The following C6 variants were observed in gnomAD, a reference collection of about 807,000 sequenced individuals.
The protein encoded by C6 is complement C6.
A neutral mutation model predicts 112.9 loss-of-function variants in C6; 101 were observed. That is an observed-to-expected ratio of 0.89 (90% CI 0.76 to 1.06). C6 has a LOEUF of 1.06. Among genes scored for constraint, C6 ranks in the 50% least tolerant of loss-of-function variants. The pLI is 0.00. For missense variants in C6, 1,202 were observed against 1,104.6 expected (o/e 1.09, Z -1.25); for synonymous variants, 431 against 384.1 (o/e 1.12, Z -1.43).
intron 8 of C6, among the ~76,000 whole-genome samples, chr5:41,174,843 A>C (rs1748708280): frequency 6.6e-6 from 1 of 152,200 alleles, no homozygotes; most frequent in Non-Finnish European, 1.5e-5. Flanking sequence ...ATAGGAGGAG[A>C]GAAAAGGGAA....
chr5:41,203,045 G>T (rs757900126), intron 2 of C6, 43 bp downstream of exon 2: 1 of 1,604,480 alleles, frequency 6.2e-7, no homozygotes, highest in East Asian at 2.2e-5. Context: ...TCATCCTTGA[G>T]TCCTTCCAGG....
At chr5:41,197,701 T>A (rs1391804952) in intron 4 of C6, among the ~76,000 whole-genome samples, 1 of 151,896 alleles carries the variant, frequency 6.6e-6, no homozygotes, top group East Asian at 1.9e-4. Flanking sequence ...TTAGCAAGGG[T>A]AGGGATGAAG....
chr5:41,223,844 G>A (rs1561187767), intron 1 of C6, among the ~76,000 whole-genome samples: 1 of 151,978 alleles, frequency 6.6e-6, no homozygotes, highest in Non-Finnish European at 1.5e-5. Flanking sequence ...TCCAGTACAG[G>A]ATCCAGCCCA....
intron 7 of C6, among the ~76,000 whole-genome samples, 198 bp from the exon 8 acceptor site, chr5:41,176,913 C>T (rs1349276169): frequency 7.4e-6 from 1 of 134,860 alleles, no homozygotes; most frequent in Non-Finnish European, 1.8e-5. Context: ...ATGTGCAAAA[C>T]AGGTAAGATT....
intron 1 of C6, among the ~76,000 whole-genome samples, chr5:41,256,882 A>T (rs1258748074): frequency 1.3e-5 from 2 of 152,200 alleles, no homozygotes; most frequent in African/African-American, 2.4e-5. Flanking sequence ...GGAGGTTCCC[A>T]TACCCACTTT....
chr5:41,199,610 A>G (rs554313294), intron 4 of C6, among the ~76,000 whole-genome samples, 158 bp downstream of exon 4: 160 of 152,286 alleles, frequency 1.1e-3, no homozygotes, highest in Non-Finnish European at 1.9e-3. Flanking sequence ...TTTACAGTGG[A>G]ATATCTTGGG....
At chr5:41,208,398 C>T (rs1428445702) in intron 1 of C6, among the ~76,000 whole-genome samples, 2 of 151,856 alleles carry the variant, frequency 1.3e-5, no homozygotes, top group East Asian at 1.9e-4. Context: ...CATAGAAACA[C>T]AAAAAACCCT....
At chr5:41,202,958 CA>C in intron 2 of C6, 129 bp downstream of exon 2, 1 of 921,736 alleles carries the variant, frequency 1.1e-6, no homozygotes, top group Non-Finnish European at 1.8e-6. Flanking sequence ...CTTCAAATTT[CA>C]TCCAAATTTG....
chr5:41,235,600 G>A (rs1740246212), intron 1 of C6, among the ~76,000 whole-genome samples: 1 of 142,354 alleles, frequency 7.0e-6, no homozygotes, highest in East Asian at 2.1e-4. Context: ...TCAGTAATGG[G>A]ATGGCTGGGT....
At chr5:41,185,340 T>C (rs916464682) in intron 6 of C6, among the ~76,000 whole-genome samples, 39 of 152,226 alleles carry the variant, frequency 2.6e-4, no homozygotes, top group African/African-American at 9.2e-4. Context: ...TGAACTCATA[T>C]TACCCATAAA....
chr5:41,239,891 T>C (rs1292874616), intron 1 of C6, among the ~76,000 whole-genome samples: 1 of 152,198 alleles, frequency 6.6e-6, no homozygotes, highest in African/African-American at 2.4e-5. Context: ...AGTGTCCTTG[T>C]CTGGCAATTT....
intron 1 of C6, among the ~76,000 whole-genome samples, chr5:41,207,801 C>T (rs1312460588): frequency 6.6e-6 from 1 of 152,184 alleles, no homozygotes; most frequent in Non-Finnish European, 1.5e-5. Context: ...ACCCCACTGT[C>T]AACATGAGAC....
Position 41,158,783 on chromosome 5 carries a change from C to T in C6, c.1859G>A (p.Gly620Glu), listed in dbSNP as rs1313179724. ...TTCGTCATCATTGATACATGGTTGTCCACTAAAAGGGAAACATAAATATGT... is the reference window on the plus strand; with the variant it reads ...TTCGTCATCATTGATACATGGTTGTTCACTAAAAGGGAAACATAAATATGT... Reference protein sequence around the residue: ...DCTFSIMENNGQPCINDDEEM... With the variant: ...DCTFSIMENNEQPCINDDEEM... The change falls in exon 13 of 18, where the codon GGA becomes GAA. Residue 620 changes from glycine to glutamate, a missense_variant and splice_region_variant. Coordinates refer to ENST00000337836, the MANE Select transcript of C6 (RefSeq NM_000065.5). The T allele has an allele frequency of 2.0e-6, 3 of 1,525,584 alleles. No homozygotes were observed. The highest frequency in any genetic ancestry group is 1.1e-5 in the South Asian group (1 of 89,360). The allele number at this position is 1,525,584 out of a possible 1,614,324, so 94.5% of individuals were successfully genotyped here.
At chr5:41,214,653 G>T (rs534902414), upstream of C6, among the ~76,000 whole-genome samples, 15 of 152,276 alleles carry the variant, frequency 9.9e-5, 1 homozygote, top group African/African-American at 3.4e-4. Flanking sequence ...AACAGGAAAA[G>T]AAATATTTGG....
chr5:41,186,337 C>T (rs1384099735), intron 5 of C6, 129 bp from the exon 6 acceptor site: 2 of 980,084 alleles, frequency 2.0e-6, no homozygotes, highest in African/African-American at 1.8e-5. Flanking sequence ...AGGAATCCCC[C>T]ACACCTCCGC....
intron 1 of C6, among the ~76,000 whole-genome samples, chr5:41,252,393 C>G (rs974704532): frequency 6.6e-6 from 1 of 152,024 alleles, no homozygotes; most frequent in African/African-American, 2.4e-5. Flanking sequence ...TCATTATACC[C>G]CTCCCTTTGG....
rs1745455142 is a variant in C6, at chr5:41,142,656, C to T, written c.*169G>A. On this transcript the variant is annotated 3_prime_UTR_variant, in exon 18 of 18. Coordinates refer to ENST00000337836, the MANE Select transcript of C6 (RefSeq NM_000065.5). Reference sequence around the variant, plus strand: ...TGAGCTGGAACTGAATAAGACATGCCCAAACAGGAGAGTCAGGGGAGAATA... The same window carrying T: ...TGAGCTGGAACTGAATAAGACATGCTCAAACAGGAGAGTCAGGGGAGAATA... The T allele has an allele frequency of 3.1e-6, 2 of 652,928 alleles. No homozygotes were observed. Among genetic ancestry groups the T allele is most frequent in the Non-Finnish European group, 5.6e-6 (2 of 359,606 alleles). 40.4% of individuals were successfully genotyped at this position (652,928 alleles called of 1,614,324 possible).
rs578018387 is a variant in C6 at position 41,144,810 on chromosome 5, C to T, written c.2624-1804G>A. ...TCCGTATGTTCTCATTGTTTAGCTCCTGCTTACAAGTAAGAACACGTGGTA... is the reference window on the plus strand; with the variant it reads ...TCCGTATGTTCTCATTGTTTAGCTCTTGCTTACAAGTAAGAACACGTGGTA... On this transcript the variant is annotated intron_variant, in intron 17 of 17. Coordinates refer to ENST00000337836, the MANE Select transcript of C6 (RefSeq NM_000065.5). Among the ~76,000 whole-genome samples, 9 of 152,242 alleles carry T rather than the reference C, an allele frequency of 5.9e-5. No individual in the cohort carries two copies. In the South Asian group the frequency reaches 1.9e-3, roughly 32 times the overall value.
intron 1 of C6, among the ~76,000 whole-genome samples, chr5:41,234,366 T>G (rs1273258532): frequency 2.1e-5 from 3 of 145,762 alleles, no homozygotes; most frequent in Non-Finnish European, 3.0e-5. Flanking sequence ...TGTTTTTTGT[T>G]TTTTTTTTTT....
Sources: allele counts gnomAD v4.1 joint callset (sites outside exome capture counted in the v4.1 genomes callset), GRCh38; gene constraint gnomAD v4.1.1; transcripts MANE v1.5; gene names NCBI Gene and HGNC (gene_info 2026-07-23, HGNC 2026-07-21).